Variants in RIMS2 observed in about 807,000 individuals in gnomAD.
RIMS2 encodes regulating synaptic membrane exocytosis protein 2.
Under a neutral mutation model 174.4 loss-of-function variants are expected in RIMS2, and 59 were observed. The observed-to-expected ratio is 0.34, with a 90% CI of 0.27 to 0.42. RIMS2 has a LOEUF of 0.42. RIMS2 is among the 10% of genes least tolerant of loss of function. The probability of loss-of-function intolerance (pLI) is 1.00; values close to 1 mark genes in which losing one functional copy is unlikely to be tolerated. For synonymous variants in RIMS2, 606 were observed against 572.5 expected, an observed-to-expected ratio of 1.06 and a Z score of -0.84; for missense variants, 1,620 against 1,666.3, an observed-to-expected ratio of 0.97 and a Z score of 0.48.
chr8:103,650,388 C>G (rs111398917), intron 1 of RIMS2, among the ~76,000 whole-genome samples: 1 of 152,224 alleles, frequency 6.6e-6, no homozygotes, highest in South Asian at 2.1e-4. Context: ...GAGGTCTCAC[C>G]CAGTCAGGAG....
intron 17 of RIMS2, among the ~76,000 whole-genome samples, chr8:104,009,519 A>C (rs2095690355): frequency 2.0e-5 from 3 of 151,890 alleles, no homozygotes; most frequent in Admixed American, 2.0e-4. Flanking sequence ...CTGGTCTCAA[A>C]CACCTAAGCT....
chr8:103,586,963 G>A (rs986480366), intron 1 of RIMS2, among the ~76,000 whole-genome samples: 5 of 151,996 alleles, frequency 3.3e-5, no homozygotes, highest in African/African-American at 4.8e-5. Flanking sequence ...GCTACTGTAT[G>A]CTATCAATAT....
intron 3 of RIMS2, among the ~76,000 whole-genome samples, chr8:103,876,909 T>TATATATATATATATATACACAC (rs71297243): frequency 1.2e-4 from 8 of 66,108 alleles, no homozygotes; most frequent in Non-Finnish European, 2.6e-4. Context: ...TATATATATA[T>TATATATATATATATATACACAC]ACACACACAC....
chr8:103,998,427 G>A (rs1383705369), intron 17 of RIMS2, among the ~76,000 whole-genome samples: 3 of 151,584 alleles, frequency 2.0e-5, no homozygotes, highest in Non-Finnish European at 4.4e-5. Flanking sequence ...AATTGTAGTA[G>A]GACATAAAAA....
chr8:104,136,972 A>G (rs940877713), intron 19 of RIMS2, among the ~76,000 whole-genome samples: 6 of 152,216 alleles, frequency 3.9e-5, no homozygotes, highest in Middle Eastern at 3.2e-3. Flanking sequence ...AATTGTACTC[A>G]TATATTAACA....
chr8:103,831,850 G>A (rs1313990153), intron 3 of RIMS2, among the ~76,000 whole-genome samples: 1 of 152,194 alleles, frequency 6.6e-6, no homozygotes, highest in Non-Finnish European at 1.5e-5. Flanking sequence ...GTATTTATCA[G>A]TTCACATAAC....
Position 103,915,627 on chromosome 8 carries a change from A to G in RIMS2, c.1912+33A>G, listed in dbSNP as rs538203059. 8 of 1,126,320 alleles carry G rather than the reference A, an allele frequency of 7.1e-6. No individual in the cohort carries two copies. In the South Asian group the frequency reaches 8.5e-5, roughly 12 times the overall value. The allele number at this position is 1,126,320 out of a possible 1,614,324, so 69.8% of individuals were successfully genotyped here. A position where few individuals can be genotyped will look rare whatever the true frequency, so the allele number is the denominator to read the frequency against. ...TTTACCTTTGATTATTTACATTTAA[A>G]CCATTCAACTTTAGTAGTTATGAGT... On this transcript the variant is annotated intron_variant, in intron 7 of 23. Transcript: ENST00000504942.
chr8:104,031,351 A>G (rs915487395), intron 19 of RIMS2, among the ~76,000 whole-genome samples: 3 of 152,206 alleles, frequency 2.0e-5, no homozygotes, highest in East Asian at 1.9e-4. Context: ...GCTAGTATGT[A>G]TTATTTAACA....
chr8:103,716,689 C>A (rs371724849), intron 2 of RIMS2, among the ~76,000 whole-genome samples: 3 of 151,818 alleles, frequency 2.0e-5, no homozygotes, highest in Admixed American at 1.3e-4. Flanking sequence ...AAAATCTTAA[C>A]CTTCTGACTT....
chr8:103,709,604 T>C lies in RIMS2; in HGVS notation c.387+12308T>C, dbSNP rs563505246. On this transcript the variant is annotated intron_variant, in intron 2 of 23. Transcript: ENST00000504942. ...GACTGAGTCTTTAACCAATATCCCA[T>C]GAATTAGGAGTTTTTCCAGTCTTGC... is the stretch of plus-strand genomic sequence containing the variant. 3.9e-5 allele frequency among the ~76,000 whole-genome samples: 6 copies of C among 152,352 alleles called. No individual in the cohort carries two copies. In the South Asian group the frequency reaches 6.2e-4, roughly 16 times the overall value.
intron 22 of RIMS2, among the ~76,000 whole-genome samples, 149 bp from the exon 29 acceptor site, chr8:104,250,871 TTATC>T (rs1466569146): frequency 1.3e-5 from 2 of 152,192 alleles, no homozygotes; most frequent in African/African-American, 4.8e-5. Flanking sequence ...TATCCACTGT[TTATC>T]TAATGATTTT....
intron 1 of RIMS2, among the ~76,000 whole-genome samples, chr8:103,584,314 A>AT (rs2093781554): frequency 6.6e-6 from 1 of 152,208 alleles, no homozygotes; most frequent in Non-Finnish European, 1.5e-5. Context: ...GATCAATACT[A>AT]GACCTGTCAT....
At chr8:104,207,216 G>A (rs1051911123) in intron 19 of RIMS2, among the ~76,000 whole-genome samples, 4 of 152,052 alleles carry the variant, frequency 2.6e-5, no homozygotes, top group Non-Finnish European at 5.9e-5. Flanking sequence ...TTTCTGCTAC[G>A]CCCAGCCCAT....
intron 1 of RIMS2, among the ~76,000 whole-genome samples, chr8:103,641,253 C>T (rs1264433042): frequency 6.6e-6 from 1 of 151,946 alleles, no homozygotes; most frequent in East Asian, 1.9e-4. Context: ...CTTATTGATA[C>T]ATAATAGATA....
intron 19 of RIMS2, among the ~76,000 whole-genome samples, chr8:104,097,111 T>A (rs1440897301): frequency 1.3e-5 from 2 of 152,178 alleles, no homozygotes; most frequent in Non-Finnish European, 2.9e-5. Flanking sequence ...GAAATAATCT[T>A]ATTCTATACT....
chr8:103,756,814 T>C (rs750859926), intron 2 of RIMS2, among the ~76,000 whole-genome samples: 19 of 152,306 alleles, frequency 1.2e-4, no homozygotes, highest in South Asian at 6.2e-4. Context: ...CTGTTTATTT[T>C]GCTTAATCAT....
intron 19 of RIMS2, among the ~76,000 whole-genome samples, chr8:104,179,671 TA>T (rs1463064824): frequency 1.3e-5 from 2 of 151,900 alleles, no homozygotes; most frequent in East Asian, 3.9e-4. Flanking sequence ...TTTCAAATTG[TA>T]AATCTCTAAT....
chr8:103,630,055 G>C (rs1259415743), intron 1 of RIMS2, among the ~76,000 whole-genome samples: 1 of 150,622 alleles, frequency 6.6e-6, no homozygotes, highest in Non-Finnish European at 1.5e-5. Context: ...TAAACATACA[G>C]ATTCAAGAAA....
At chr8:103,805,241 T>C in intron 3 of RIMS2, among the ~76,000 whole-genome samples, 1 of 152,086 alleles carries the variant, frequency 6.6e-6, no homozygotes, top group Admixed American at 6.6e-5. Flanking sequence ...TCCTGAAGAG[T>C]GAATTAGTCC....
Sources: gnomAD v4.1 joint callset for allele counts (sites outside exome capture counted in the v4.1 genomes callset) on GRCh38, gnomAD v4.1.1 for gene constraint, MANE v1.5 for transcripts, NCBI Gene and HGNC (gene_info 2026-07-23, HGNC 2026-07-21) for gene names.